BCAT2: variants seen among roughly 807,000 people sequenced by gnomAD.
The protein encoded by BCAT2 is branched chain amino acid transaminase 2.
Under a neutral mutation model 52.9 loss-of-function variants are expected in BCAT2, and 44 were observed. That is an observed-to-expected ratio of 0.83 (90% CI 0.65 to 1.07). The LOEUF is 1.07. Ranked by LOEUF, BCAT2 falls within the 50% of genes least tolerant of loss-of-function variation. The pLI is 0.00. For synonymous variants in BCAT2, 215 were observed against 217.1 expected, an observed-to-expected ratio of 0.99 and a Z score of 0.08; for missense variants, 478 against 521.8, an observed-to-expected ratio of 0.92 and a Z score of 0.82.
chr19:48,800,104 G>A lies in BCAT2; in HGVS notation c.412-4C>T, dbSNP rs1599798209. ...GCAACTCCAGCTTGTCGAAACTCTG[G>A]GTGGGATTCTGAATGAGTCAAGGGG... On this transcript the variant is annotated splice_region_variant and splice_polypyrimidine_tract_variant and intron_variant, in intron 4 of 10. Transcript: ENST00000316273. The A allele has an allele frequency of 6.2e-7, 1 of 1,613,870 alleles. No homozygotes were observed. The highest frequency in any genetic ancestry group is 1.7e-4 in the Middle Eastern group (1 of 6,060).
At chr19:48,795,567 G>A (rs1257287911) in intron 10 of BCAT2, 103 bp from the exon 11 acceptor site, 7 of 1,364,212 alleles carry the variant, frequency 5.1e-6, no homozygotes, top group South Asian at 3.7e-5. Context: ...GTGCCCCAGC[G>A]GCTCACGGGA....
In BCAT2 at chr19:48,799,782, TG is replaced by T; in HGVS notation, c.587del (p.Pro196GlnfsTer11). On this transcript the variant is annotated frameshift_variant, in exon 6 of 11. Transcript: ENST00000316273. LOFTEE classifies it high-confidence loss of function. The surrounding 1 kb of genome is among the most constrained non-coding windows in gnomAD (Gnocchi z 5.5). The stretch of plus-strand genomic sequence containing the variant: ...AGCCTCCAGGGAAGTAGGCACCCAC[TG>T]GGCAGAGAATGACGAACAGGAGCGC... ...TRALLFVILCPVGAYFPGGSV... is the reference protein window; with the variant it reads ...TRALLFVILCXVGAYFPGGSV... 6.4e-7 allele frequency: 1 copy of T among 1,568,272 alleles called. No individual in the cohort carries two copies. The highest frequency in any genetic ancestry group is 8.6e-7 in the Non-Finnish European group (1 of 1,156,558).
intron 9 of BCAT2, 30 bp downstream of exon 9, chr19:48,796,548 C>G (rs759835559): frequency 1.2e-6 from 2 of 1,610,430 alleles, no homozygotes; most frequent in South Asian, 2.2e-5. Flanking sequence ...CCCTCCTTCC[C>G]TCCCACCCAC....
At chr19:48,810,676 C>A in intron 1 of BCAT2, 2 of 938,582 alleles carry the variant, frequency 2.1e-6, no homozygotes, top group Non-Finnish European at 2.9e-6. Context: ...CTCCGCTCCC[C>A]AAATCACAAC....
At chr19:48,795,518 T>G in intron 10 of BCAT2, 54 bp from the exon 11 acceptor site, 6 of 1,602,990 alleles carry the variant, frequency 3.7e-6, no homozygotes, top group Non-Finnish European at 5.1e-6. Flanking sequence ...CAACTCCCAG[T>G]AGGCCCTGGG....
At position 48,806,584 on chromosome 19, in the gene BCAT2, G is replaced by A. The variant is rs1358857334; in HGVS notation, c.233C>T (p.Pro78Leu). The A allele has an allele frequency of 6.2e-7, 1 of 1,614,166 alleles. No homozygotes were observed. The highest frequency in any genetic ancestry group is 1.1e-5 in the South Asian group (1 of 91,084). Residue 78 changes from proline (P) to leucine (L), a missense_variant, in exon 3 of 11, where the codon CCC (proline) becomes CTC (leucine). Pro to Leu is a moderately conservative substitution (Grantham distance 98, BLOSUM62 -3). Transcript: ENST00000316273. ...GAGGTTCTGGAAGGGCTGGATTCGGGGCTGGCCCCAGCCCTTGTCATTCCA... is the reference window on the plus strand; with the variant it reads ...GAGGTTCTGGAAGGGCTGGATTCGGAGCTGGCCCCAGCCCTTGTCATTCCA... ...VEWNDKGWGQ[P>L]RIQPFQNLTL...
chr19:48,797,927 G>A (rs192021787), intron 6 of BCAT2, among the ~76,000 whole-genome samples: 4 of 150,622 alleles, frequency 2.7e-5, no homozygotes, highest in East Asian at 2.0e-4. Flanking sequence ...AGCGATTCTC[G>A]TGCCTCAGCC....
chr19:48,796,428 C>A lies in BCAT2; in HGVS notation c.1140G>T (p.Gln380His). ...CATTCCCCAGCTCCCTGCAGCTCAC[C>A]TGGATCTCCTTCAGCTCCTTCTGGA... Reference protein sequence around the residue: ...LRFQKELKEIQYGIRAHEWMF... With the variant: ...LRFQKELKEIHYGIRAHEWMF... Residue 380 changes from glutamine to histidine, a missense_variant and splice_region_variant, in exon 10 of 11, where the codon CAG becomes CAT. By Grantham distance (24) the Gln-to-His change is conservative. Transcript: ENST00000316273. 6.2e-7 allele frequency: 1 copy of A among 1,614,176 alleles called. No homozygotes were observed. The highest frequency in any genetic ancestry group is 8.5e-7 in the Non-Finnish European group (1 of 1,180,026).
At chr19:48,805,417 CCCTT>C (rs1488188463) in intron 3 of BCAT2, among the ~76,000 whole-genome samples, 1 of 152,122 alleles carries the variant, frequency 6.6e-6, no homozygotes, top group East Asian at 1.9e-4. Context: ...CCCTGCCCCT[CCCTT>C]CCTCAGAGCC....
chr19:48,800,032 G>A lies in BCAT2; in HGVS notation c.480C>T (p.Pro160=), dbSNP rs1184582253. 1.2e-5 allele frequency: 20 copies of A among 1,613,788 alleles called. No individual in the cohort carries two copies. The highest frequency in any genetic ancestry group is 1.7e-5 in the Non-Finnish European group (20 of 1,179,912). The change falls in exon 5 of 11, where the codon CCC becomes CCT. Residue 160 remains proline, a synonymous_variant. Coordinates refer to ENST00000316273, the MANE Select transcript of BCAT2 (RefSeq NM_001190.4). ...CATAGAGGCTGGTGCCGGCGGCATC[G>A]GGGACCCAGTCCTTGTCCACTTCGA... The part of the protein sequence containing the change: ...RLIEVDKDWV[P]DAAGTSLYVR...
At chr19:48,797,699 C>G (rs1238984427) in intron 6 of BCAT2, among the ~76,000 whole-genome samples, 6 of 151,752 alleles carry the variant, frequency 4.0e-5, no homozygotes, top group African/African-American at 1.5e-4. Flanking sequence ...CTGCCCGCCT[C>G]AGCCTCCCAA....
chr19:48,797,730 G>A (rs2034560589), intron 6 of BCAT2, among the ~76,000 whole-genome samples: 5 of 151,320 alleles, frequency 3.3e-5, no homozygotes, highest in South Asian at 4.2e-4. Flanking sequence ...TTACAGGCGT[G>A]AGCCACCGCG....
Position 48,807,987 on chromosome 19 carries a change from G to A in BCAT2, c.25-913C>T. On this transcript the variant is annotated intron_variant, in intron 1 of 10. Coordinates refer to ENST00000316273, the MANE Select transcript of BCAT2 (RefSeq NM_001190.4). The surrounding 1 kb of genome is among the most constrained non-coding windows in gnomAD (Gnocchi z 4.6). ...TCCCCAGCCCTGTGGGGAGGCGTTG[G>A]GGCGTGAGGTTGAGAGAGACAGAGT... 2 of 986,108 alleles carry A rather than the reference G, an allele frequency of 2.0e-6. No homozygotes were observed. The highest frequency in any genetic ancestry group is 1.2e-6 in the Non-Finnish European group (1 of 830,312). 61.1% of individuals were successfully genotyped at this position (986,108 alleles called of 1,614,324 possible). A position where few individuals can be genotyped will look rare whatever the true frequency, so the allele number is the denominator to read the frequency against.
intron 3 of BCAT2, 120 bp downstream of exon 3, chr19:48,806,397 G>A: frequency 7.7e-7 from 1 of 1,293,322 alleles, no homozygotes; most frequent in Non-Finnish European, 1.1e-6. Context: ...AACAAATGGT[G>A]AATGCACAGA....
chr19:48,800,293 A>T lies in BCAT2; in HGVS notation c.305T>A (p.Phe102Tyr), dbSNP rs747812545. Residue 102 changes from phenylalanine (F) to tyrosine (Y), a missense_variant, in exon 4 of 11, where the codon TTT becomes TAT. Coordinates refer to ENST00000316273, the MANE Select transcript of BCAT2 (RefSeq NM_001190.4). ...GCCTTTGAACGCCTTCATGCCCTCAAACAGCTGCGGGGACACGCGGGTGGG... is the reference window on the plus strand; with the variant it reads ...GCCTTTGAACGCCTTCATGCCCTCATACAGCTGCGGGGACACGCGGGTGGG... ...SSSLHYSLQL[F>Y]EGMKAFKGKD... The T allele has an allele frequency of 1.2e-6, 2 of 1,613,476 alleles. No homozygotes were observed.
intron 3 of BCAT2, among the ~76,000 whole-genome samples, chr19:48,801,422 A>T (rs979153653): frequency 2.0e-5 from 3 of 152,102 alleles, no homozygotes; most frequent in African/African-American, 7.2e-5. Flanking sequence ...ACAATACTTA[A>T]AACAGAGTGA....
At chr19:48,810,830 T>C in intron 1 of BCAT2, 154 bp downstream of exon 1, 1 of 1,485,800 alleles carries the variant, frequency 6.7e-7, no homozygotes, top group Non-Finnish European at 8.9e-7. Flanking sequence ...CTCGTGCTCC[T>C]TTCCAAAGGG....
At position 48,806,965 on chromosome 19, in the gene BCAT2, C is replaced by T. The variant is rs369491104; in HGVS notation, c.99+35G>A. Reference sequence around the variant, plus strand: ...CAAAACCAGCTGCCAGCCCCCTCCTCTCTCAGAGCCAAGCATCGAGTTCCC... The same window carrying T: ...CAAAACCAGCTGCCAGCCCCCTCCTTTCTCAGAGCCAAGCATCGAGTTCCC... On this transcript the variant is annotated intron_variant, in intron 2 of 10. Transcript: ENST00000316273. The T allele has an allele frequency of 1.1e-5, 18 of 1,605,414 alleles. No individual in the cohort carries two copies. The African/African-American group carries it at 2.4e-4, about 21-fold the overall frequency.
In BCAT2 at chr19:48,796,432, A is replaced by T. The variant is rs1364657811; in HGVS notation, c.1136T>A (p.Ile379Asn). The change falls in exon 10 of 11, where the codon ATC becomes AAC. Residue 379 changes from isoleucine (I) to asparagine (N), a missense_variant. Transcript: ENST00000316273. The stretch of plus-strand genomic sequence containing the variant: ...CCCCAGCTCCCTGCAGCTCACCTGG[A>T]TCTCCTTCAGCTCCTTCTGGAAGCG... ...ILRFQKELKE[I>N]QYGIRAHEWM... is the part of the protein sequence containing the mutation. 5.0e-6 allele frequency: 8 copies of T among 1,613,942 alleles called. No homozygotes were observed. The highest frequency in any genetic ancestry group is 6.8e-6 in the Non-Finnish European group (8 of 1,180,008).
Sources: allele counts gnomAD v4.1 joint callset (sites outside exome capture counted in the v4.1 genomes callset), GRCh38; gene constraint gnomAD v4.1.1; non-coding constraint Gnocchi (gnomAD v3.1); transcripts MANE v1.5; gene names NCBI Gene and HGNC (gene_info 2026-07-23, HGNC 2026-07-21).